Variants in FSTL4 observed in about 807,000 individuals in gnomAD.
The protein encoded by FSTL4 is follistatin like 4.
Under a neutral mutation model 78.2 loss-of-function variants are expected in FSTL4, and 28 were observed. The ratio of observed to expected loss-of-function variants is 0.36; its 90% CI spans 0.27 to 0.49. The LOEUF (loss-of-function observed/expected upper bound fraction) is 0.49, where lower values mean the gene tolerates loss of function less well. FSTL4 is among the 20% of genes least tolerant of loss of function. The pLI, the probability that FSTL4 is intolerant of heterozygous loss-of-function variation, is 0.98. For missense variants in FSTL4, 922 were observed against 1,084.9 expected (o/e 0.85, Z 2.11); for synonymous variants, 422 against 440.5 (o/e 0.96, Z 0.53).
chr5:133,476,779 T>C (rs1757933637), intron 3 of FSTL4, among the ~76,000 whole-genome samples: 1 of 152,184 alleles, frequency 6.6e-6, no homozygotes, highest in African/African-American at 2.4e-5. Context: ...AGCTTGTCCT[T>C]TCTCTGTAGA....
In FSTL4 at chr5:133,448,692, T is replaced by C. The variant is rs1757315828; in HGVS notation, c.161-47706A>G. Among the ~76,000 whole-genome samples the C allele has an allele frequency of 4.3e-5, 5 of 115,646 alleles. No individual in the cohort carries two copies. The South Asian group carries it at 1.5e-3, about 36-fold the overall frequency. 75.9% of individuals were successfully genotyped at this position (115,646 alleles called of 152,430 possible). A position where few individuals can be genotyped will look rare whatever the true frequency, so the allele number is the denominator to read the frequency against. ...CTGAGGTTGAGAGGTCGCTGACAGC[T>C]CCCAAGGTCAGACAGTGCGGCTTCA... On this transcript the variant is annotated intron_variant, in intron 3 of 15. Coordinates refer to ENST00000265342, the MANE Select transcript of FSTL4 (RefSeq NM_015082.2).
rs199845944 is a variant in FSTL4 at position 133,316,670 on chromosome 5, G to T, written c.410-18C>A. ...CGTGTCACCTGAAAGAGAAGGTGAG[G>T]TTATTATTTTGAGACTTATCCCGTG... On this transcript the variant is annotated intron_variant, in intron 4 of 15. Transcript: ENST00000265342. 87 of 1,590,742 alleles carry T rather than the reference G, an allele frequency of 5.5e-5. No individual in the cohort carries two copies. In the African/African-American group the frequency reaches 1.1e-3, roughly 19 times the overall value.
At chr5:133,479,260 A>G (rs939875835) in intron 3 of FSTL4, among the ~76,000 whole-genome samples, 3 of 152,200 alleles carry the variant, frequency 2.0e-5, no homozygotes, top group African/African-American at 7.2e-5. Context: ...GGCTGAGCCC[A>G]GTGCTGGGCA....
chr5:133,802,434 G>C, the FSTL4 span, among the ~76,000 whole-genome samples: 48 of 152,330 alleles, frequency 3.2e-4, 2 homozygotes, highest in Admixed American at 7.8e-4. Flanking sequence ...TTGAAAATAA[G>C]CTCATGGCAA....
At chr5:133,632,069 C>T in the FSTL4 span, among the ~76,000 whole-genome samples, 1 of 152,108 alleles carries the variant, frequency 6.6e-6, no homozygotes, top group Non-Finnish European at 1.5e-5. Flanking sequence ...ATGGGTGCAG[C>T]AAACCACCAT....
In FSTL4 at chr5:133,551,846, G is replaced by A. The variant is rs184696476; in HGVS notation, c.160+15340C>T. On this transcript the variant is annotated intron_variant, in intron 3 of 15. Transcript: ENST00000265342. ...GGAAAGTAATTACTCTGCAATATAC[G>A]CGGAATGTCTTAAATGCTTAAAGCA... Among the ~76,000 whole-genome samples the A allele has an allele frequency of 2.4e-3, 364 of 152,238 alleles. 5 individuals are homozygous for A. Among genetic ancestry groups the A allele is most frequent in the Non-Finnish European group, 9.0e-4 (61 of 68,006 alleles).
chr5:133,648,908 C>T, the FSTL4 span, among the ~76,000 whole-genome samples: 2 of 152,156 alleles, frequency 1.3e-5, no homozygotes, highest in African/African-American at 2.4e-5. Context: ...TTAGGGTTCA[C>T]TCTTGGTGTC....
chr5:133,446,638 C>CCT (rs1364264760), intron 3 of FSTL4, among the ~76,000 whole-genome samples: 1 of 152,224 alleles, frequency 6.6e-6, no homozygotes, highest in East Asian at 1.9e-4. Context: ...CCGGGGCCCT[C>CCT]CGCAGGTGGG....
chr5:133,766,527 C>G, the FSTL4 span, among the ~76,000 whole-genome samples: 2 of 152,334 alleles, frequency 1.3e-5, no homozygotes, highest in South Asian at 4.1e-4. Flanking sequence ...ATTTTAAGAG[C>G]CTTTCTTGGC....
At chr5:133,444,897 G>A (rs920340435) in intron 3 of FSTL4, among the ~76,000 whole-genome samples, 4 of 152,186 alleles carry the variant, frequency 2.6e-5, no homozygotes, top group African/African-American at 4.8e-5. Context: ...GGAGGAGGGC[G>A]AGATGCCAGA....
At chr5:133,732,299 C>A in the FSTL4 span, among the ~76,000 whole-genome samples, 2 of 152,112 alleles carry the variant, frequency 1.3e-5, no homozygotes, top group Non-Finnish European at 2.9e-5. Context: ...GCACTGTGGG[C>A]CCCGAGGAAG....
At chr5:133,636,534 C>T in the FSTL4 span, among the ~76,000 whole-genome samples, 7 of 152,276 alleles carry the variant, frequency 4.6e-5, 1 homozygote, top group South Asian at 1.5e-3. Flanking sequence ...ATGAGCTGTG[C>T]AACCTGAGAC....
At chr5:133,334,777 T>C (rs1389666905) in intron 4 of FSTL4, among the ~76,000 whole-genome samples, 1 of 152,080 alleles carries the variant, frequency 6.6e-6, no homozygotes, top group Non-Finnish European at 1.5e-5. Context: ...GTCACTGATA[T>C]GGAAGTGGCG....
intron 6 of FSTL4, among the ~76,000 whole-genome samples, chr5:133,277,040 G>T (rs1016909983): frequency 6.6e-6 from 1 of 152,292 alleles, no homozygotes; most frequent in South Asian, 2.1e-4. Flanking sequence ...GGCTGGGCGC[G>T]GTGGCTCACT....
the FSTL4 span, among the ~76,000 whole-genome samples, chr5:133,689,802 C>T: frequency 3.9e-5 from 6 of 152,206 alleles, no homozygotes; most frequent in Admixed American, 6.5e-5. Flanking sequence ...TGGCTCACGC[C>T]TGTAATCCCA....
At chr5:133,742,990 T>C in the FSTL4 span, among the ~76,000 whole-genome samples, 2 of 152,132 alleles carry the variant, frequency 1.3e-5, no homozygotes, top group Non-Finnish European at 2.9e-5. Context: ...TCTCTGAGAT[T>C]AGCAAAGAAA....
intron 2 of FSTL4, among the ~76,000 whole-genome samples, chr5:133,581,263 T>C (rs553556714): frequency 8.5e-5 from 13 of 152,276 alleles, no homozygotes; most frequent in East Asian, 1.9e-4. Flanking sequence ...CAGAGCTAGA[T>C]TGGTGTTTAC....
At chr5:133,791,086 T>C in the FSTL4 span, among the ~76,000 whole-genome samples, 3 of 152,222 alleles carry the variant, frequency 2.0e-5, no homozygotes, top group Admixed American at 1.3e-4. Context: ...GCCTCCTTGC[T>C]GGTCCTTAGC....
chr5:133,226,589 A>G (rs1581545787), intron 8 of FSTL4, among the ~76,000 whole-genome samples: 1 of 152,220 alleles, frequency 6.6e-6, no homozygotes, highest in Non-Finnish European at 1.5e-5. Context: ...TATCATTTTT[A>G]GTGGAATTGA....
Sources: gnomAD v4.1 joint callset for allele counts (sites outside exome capture counted in the v4.1 genomes callset) on GRCh38, gnomAD v4.1.1 for gene constraint, MANE v1.5 for transcripts, NCBI Gene and HGNC (gene_info 2026-07-23, HGNC 2026-07-21) for gene names.